Variants in TAB3 observed in about 807,000 individuals in gnomAD.
TAB3 encodes the protein TGF-beta-activated kinase 1 and MAP3K7-binding protein 3.
TAB3 carries 18 observed loss-of-function variants against 48.1 expected under a neutral mutation model. That is an observed-to-expected ratio of 0.37 (90% CI 0.26 to 0.55). The LOEUF is 0.55. Ranked by LOEUF, TAB3 falls within the 20% of genes least tolerant of loss-of-function variation. TAB3 has a pLI of 0.78. For synonymous variants in TAB3, 185 were observed against 190.2 expected (o/e 0.97, Z 0.22); for missense variants, 414 against 549.8 (o/e 0.75, Z 2.47).
chrX:30,833,190 C>T (rs760700377), intron 10 of TAB3, among the ~76,000 whole-genome samples: 9 of 108,366 alleles, frequency 8.3e-5, no homozygotes, highest in South Asian at 4.1e-4. Flanking sequence ...CAGGATGGTT[C>T]GATCTCCTGA....
At position 30,828,834 on chromosome X, in the gene TAB3, C is replaced by T. The variant is rs1937952700; in HGVS notation, c.*2593G>A. On this transcript the variant is annotated 3_prime_UTR_variant, in exon 11 of 11. Coordinates refer to ENST00000288422, the MANE Select transcript of TAB3 (RefSeq NM_152787.5). ...CTTCCATGCCAATTGTCTGTACATA[C>T]CAACTGACTACAAGATCCTTTTGAA... The T allele has an allele frequency of 8.9e-6, 1 of 111,944 alleles. No individual in the cohort carries two copies. The highest frequency in any genetic ancestry group is 1.9e-5 in the Non-Finnish European group (1 of 53,216). The allele number at this position is 111,944 out of a possible 1,213,427, so 9.2% of individuals were successfully genotyped here.
intron 7 of TAB3, among the ~76,000 whole-genome samples, chrX:30,847,750 A>G (rs1938677775): frequency 9.0e-6 from 1 of 111,692 alleles, no homozygotes; most frequent in South Asian, 3.6e-4. Flanking sequence ...ATGAGCAGAA[A>G]GGATATCTTA....
At chrX:30,841,396 CAGAG>C (rs1289867666) in intron 9 of TAB3, among the ~76,000 whole-genome samples, 3 of 95,037 alleles carry the variant, frequency 3.2e-5, no homozygotes, top group African/African-American at 7.6e-5. Flanking sequence ...GCCTGGGTGA[CAGAG>C]AGAGTCTCCA....
At chrX:30,868,524 T>G (rs1187666354) in intron 2 of TAB3, among the ~76,000 whole-genome samples, 3 of 3,327 alleles carry the variant, frequency 9.0e-4, no homozygotes, top group Non-Finnish European at 1.4e-3. Context: ...AGCTTATATA[T>G]ATATATATAT....
At chrX:30,833,958 A>G in intron 10 of TAB3, 93 bp downstream of exon 10, 5 of 853,843 alleles carry the variant, frequency 5.9e-6, no homozygotes, top group Non-Finnish European at 8.4e-6. Flanking sequence ...TTTTTAAAGC[A>G]AAAAATAAAG....
At position 30,842,963 on chromosome X, in the gene TAB3, C is replaced by A. The variant is rs766005539; in HGVS notation, c.1888+3G>T. Reference sequence around the variant, plus strand: ...TCGTATTTGTGACATTTTTCATACTCACCTTTTTTAGATGGCTTGGGTGGT... The same window carrying A: ...TCGTATTTGTGACATTTTTCATACTAACCTTTTTTAGATGGCTTGGGTGGT... On this transcript the variant is annotated splice_donor_region_variant and intron_variant, in intron 9 of 10. Transcript: ENST00000288422. The A allele has an allele frequency of 9.0e-7, 1 of 1,113,417 alleles. No individual in the cohort carries two copies. Among genetic ancestry groups the A allele is most frequent in the Admixed American group, 2.6e-5 (1 of 37,740 alleles). The allele number at this position is 1,113,417 out of a possible 1,213,427, so 91.8% of individuals were successfully genotyped here. A position where few individuals can be genotyped will look rare whatever the true frequency, so the allele number is the denominator to read the frequency against.
At chrX:30,834,214 A>C in intron 9 of TAB3, 62 bp from the exon 10 acceptor site, 4 of 1,024,410 alleles carry the variant, frequency 3.9e-6, no homozygotes, top group Non-Finnish European at 5.4e-6. Context: ...AAGAGTGAAC[A>C]GGCTCACAAG....
chrX:30,877,360 CAGAT>C (rs1331318931), intron 1 of TAB3, among the ~76,000 whole-genome samples: 1 of 112,003 alleles, frequency 8.9e-6, no homozygotes, highest in Non-Finnish European at 1.9e-5. Flanking sequence ...TGGAAGGTCA[CAGAT>C]AGAGAAAGGA....
chrX:30,844,822 C>T (rs1295334859), intron 8 of TAB3: 1 of 112,143 alleles, frequency 8.9e-6, no homozygotes, highest in African/African-American at 3.2e-5. Flanking sequence ...AATCTTTAAT[C>T]TCTCGCTCTT....
At chrX:30,860,953 G>GA (rs906563663) in intron 4 of TAB3, among the ~76,000 whole-genome samples, 2 of 111,673 alleles carry the variant, frequency 1.8e-5, no homozygotes, top group Non-Finnish European at 3.8e-5. Context: ...AAACAGTTCA[G>GA]AAAAAAATAT....
At chrX:30,862,703 T>C (rs1264317393) in intron 4 of TAB3, among the ~76,000 whole-genome samples, 1 of 111,978 alleles carries the variant, frequency 8.9e-6, no homozygotes. Context: ...ATTTTACAAA[T>C]AAGAAAATGA....
intron 5 of TAB3, among the ~76,000 whole-genome samples, chrX:30,858,609 C>T (rs992306271): frequency 1.2e-4 from 13 of 112,168 alleles, no homozygotes; most frequent in Non-Finnish European, 7.5e-5. Flanking sequence ...AACATGAGTA[C>T]TGACTGTGTG....
chrX:30,837,817 T>G (rs1344120459), intron 9 of TAB3, among the ~76,000 whole-genome samples: 1 of 112,693 alleles, frequency 8.9e-6, no homozygotes. Context: ...TATACTTAGG[T>G]GTATGAGCTA....
rs780473567 is a variant in TAB3, at chrX:30,848,392, C to T, written c.1711-1748G>A. ...CAAAAATTAGCTGGGCGTGGTGGTG[C>T]GTGCCTGTAGTCCCAGCTACTCGAG... On this transcript the variant is annotated intron_variant, in intron 7 of 10. Coordinates refer to ENST00000288422, the MANE Select transcript of TAB3 (RefSeq NM_152787.5). 2.4e-4 allele frequency among the ~76,000 whole-genome samples: 27 copies of T among 111,179 alleles called. 1 individual carries two copies. In the East Asian group the frequency reaches 7.1e-3, roughly 29 times the overall value.
intron 7 of TAB3, among the ~76,000 whole-genome samples, chrX:30,852,486 C>T (rs1182105519): frequency 2.7e-5 from 3 of 111,201 alleles, no homozygotes; most frequent in African/African-American, 9.8e-5. Context: ...GGTCAGGGTG[C>T]ACTTTTCATT....
intron 7 of TAB3, among the ~76,000 whole-genome samples, chrX:30,850,857 A>C (rs1167421397): frequency 5.9e-5 from 6 of 102,515 alleles, no homozygotes; most frequent in East Asian, 6.0e-4. Context: ...ACAAAAAAAA[A>C]CCAATATTTT....
intron 4 of TAB3, among the ~76,000 whole-genome samples, chrX:30,863,802 TA>T (rs1314835688): frequency 8.9e-6 from 1 of 112,153 alleles, no homozygotes; most frequent in Non-Finnish European, 1.9e-5. Flanking sequence ...AATGGCCTAA[TA>T]TAGTCAGTTT....
chrX:30,854,894 T>G lies in TAB3; in HGVS notation c.771A>C (p.Pro257=). 3 of 1,210,445 alleles carry G rather than the reference T, an allele frequency of 2.5e-6. No homozygotes were observed. Among genetic ancestry groups the G allele is most frequent in the Non-Finnish European group, 3.4e-6 (3 of 894,787 alleles). Residue 257 remains proline (P), a synonymous_variant, in exon 6 of 11, where the codon CCA becomes CCC. Transcript: ENST00000288422. The part of the protein sequence containing the change: ...STPWQSSPQG[P]VPHYSQRPLP... Reference sequence around the variant, plus strand: ...AAGGACGCTGGCTATAGTGAGGCACTGGGCCCTGTGGTGAGGACTGCCACG... The same window carrying G: ...AAGGACGCTGGCTATAGTGAGGCACGGGGCCCTGTGGTGAGGACTGCCACG...
chrX:30,855,161 A>G lies in TAB3; in HGVS notation c.504T>C (p.Asn168=). The G allele has an allele frequency of 8.3e-7, 1 of 1,211,763 alleles. No homozygotes were observed. ...QQPSSMQTGM[N]PSAMQGPSPP... is the part of the protein sequence containing the mutation. The stretch of plus-strand genomic sequence containing the variant: ...GTGAAGGCCCTTGCATAGCAGACGG[A>G]TTCATTCCTGTTTGCATGGAAGATG... The change falls in exon 6 of 11, where the codon AAT becomes AAC. Residue 168 remains asparagine, a synonymous_variant. Transcript: ENST00000288422.
Sources: gnomAD v4.1 joint callset for allele counts (sites outside exome capture counted in the v4.1 genomes callset) on GRCh38, gnomAD v4.1.1 for gene constraint, MANE v1.5 for transcripts, NCBI Gene and HGNC (gene_info 2026-07-23, HGNC 2026-07-21) for gene names.